SPOCK3: variants seen among roughly 807,000 people sequenced by gnomAD.
SPOCK3 encodes the protein testican-3.
In SPOCK3, 30 loss-of-function variants were observed where a neutral mutation model predicts 56.6. That is an observed-to-expected ratio of 0.53 (90% confidence interval 0.40 to 0.72). The LOEUF is 0.72. Among genes scored for constraint, SPOCK3 ranks in the 30% least tolerant of loss-of-function variants. The pLI is 0.00. For synonymous variants in SPOCK3, 196 were observed against 183.3 expected, an observed-to-expected ratio of 1.07 and a Z score of -0.56; for missense variants, 527 against 530.0, an observed-to-expected ratio of 0.99 and a Z score of 0.06.
intron 6 of SPOCK3, among the ~76,000 whole-genome samples, chr4:166,820,463 T>TA (rs1744810584): frequency 6.6e-6 from 1 of 152,026 alleles, no homozygotes; most frequent in South Asian, 2.1e-4. Context: ...TTTAGGGTCA[T>TA]ACAGCTGTTA....
intron 2 of SPOCK3, among the ~76,000 whole-genome samples, chr4:167,205,188 T>C (rs550528201): frequency 4.4e-4 from 47 of 105,630 alleles, no homozygotes; most frequent in African/African-American, 1.7e-3. Flanking sequence ...ATTATAGATA[T>C]TTTATATCTA....
At chr4:167,021,313 T>G (rs915942067) in intron 3 of SPOCK3, among the ~76,000 whole-genome samples, 1 of 151,986 alleles carries the variant, frequency 6.6e-6, no homozygotes, top group Non-Finnish European at 1.5e-5. Context: ...CTTCAGAAAT[T>G]TGGATGATTT....
At chr4:167,194,753 T>TGAGAA (rs997405085) in intron 2 of SPOCK3, among the ~76,000 whole-genome samples, 1 of 152,168 alleles carries the variant, frequency 6.6e-6, no homozygotes, top group African/African-American at 2.4e-5. Context: ...GTCTGTTCCC[T>TGAGAA]GAGAAGACTG....
At chr4:167,090,591 C>T (rs1758618352) in intron 2 of SPOCK3, among the ~76,000 whole-genome samples, 1 of 152,006 alleles carries the variant, frequency 6.6e-6, no homozygotes, top group Non-Finnish European at 1.5e-5. Flanking sequence ...ACAACCTCCG[C>T]CTCCCAGGTT....
intron 5 of SPOCK3, among the ~76,000 whole-genome samples, chr4:166,899,823 C>T (rs1234865166): frequency 1.3e-5 from 2 of 152,130 alleles, no homozygotes; most frequent in Non-Finnish European, 2.9e-5. Flanking sequence ...CCCCTGTTTA[C>T]TATATTTCTT....
At chr4:167,160,217 A>G (rs1765169298) in intron 2 of SPOCK3, among the ~76,000 whole-genome samples, 1 of 152,184 alleles carries the variant, frequency 6.6e-6, no homozygotes, top group African/African-American at 2.4e-5. Context: ...ATCAATGTAC[A>G]AAAATCACAA....
intron 7 of SPOCK3, among the ~76,000 whole-genome samples, chr4:166,774,201 TCTC>T (rs1289571992): frequency 6.6e-6 from 1 of 152,168 alleles, no homozygotes; most frequent in Non-Finnish European, 1.5e-5. Flanking sequence ...TACTTCTAAC[TCTC>T]CTCCTCCATC....
At position 166,734,481 on chromosome 4, in the gene SPOCK3, T is replaced by A. The variant is rs1316057347; in HGVS notation, c.*440A>T. On this transcript the variant is annotated 3_prime_UTR_variant, in exon 11 of 11. Transcript: ENST00000357545. ...GTCTAGCAAGATGCTACTTTGGAAA[T>A]GCAATTAAAGCATGCATATTTTTCC... is the stretch of plus-strand genomic sequence containing the variant. 1 of 153,078 alleles carries A rather than the reference T, an allele frequency of 6.5e-6. No homozygotes were observed. Among genetic ancestry groups the A allele is most frequent in the Non-Finnish European group, 1.5e-5 (1 of 68,760 alleles). The allele number at this position is 153,078 out of a possible 1,614,324, so 9.5% of individuals were successfully genotyped here.
intron 2 of SPOCK3, among the ~76,000 whole-genome samples, chr4:167,199,264 T>A (rs1733277057): frequency 6.6e-6 from 1 of 150,800 alleles, no homozygotes; most frequent in Non-Finnish European, 1.5e-5. Flanking sequence ...TGTGTGTGTA[T>A]TTAGTAGATG....
chr4:166,744,733 C>T (rs1015278774), intron 8 of SPOCK3, among the ~76,000 whole-genome samples: 1 of 152,022 alleles, frequency 6.6e-6, no homozygotes, highest in African/African-American at 2.4e-5. Context: ...CAGCTAAAAA[C>T]TTTGAAAAAA....
chr4:166,910,460 TGAG>T (rs1417174704), intron 5 of SPOCK3, among the ~76,000 whole-genome samples: 1 of 152,114 alleles, frequency 6.6e-6, no homozygotes, highest in Non-Finnish European at 1.5e-5. Context: ...AGGAGAACAA[TGAG>T]GAAACCCCAT....
chr4:166,933,417 T>TCTGGCTCTGGATGCC (rs1219552610), intron 4 of SPOCK3, among the ~76,000 whole-genome samples: 1 of 152,180 alleles, frequency 6.6e-6, no homozygotes, highest in Non-Finnish European at 1.5e-5. Context: ...AGCCATAATC[T>TCTGGCTCTGGATGCC]CAGCTCAAGT....
intron 6 of SPOCK3, among the ~76,000 whole-genome samples, chr4:166,793,941 A>G (rs1741621122): frequency 6.6e-6 from 1 of 152,060 alleles, no homozygotes; most frequent in Non-Finnish European, 1.5e-5. Flanking sequence ...TAAATCAACA[A>G]GAGGATGTCT....
At chr4:166,937,468 A>G (rs35634721) in intron 4 of SPOCK3, among the ~76,000 whole-genome samples, 22,094 of 148,326 alleles carry the variant, frequency 0.15, 2,141 homozygotes, top group African/African-American at 0.28. Context: ...TTTTCCATAC[A>G]TCTATGAGTT....
In SPOCK3 at chr4:167,125,586, C is replaced by T. The variant is rs373130142; in HGVS notation, c.190-63049G>A. 1.4e-3 allele frequency among the ~76,000 whole-genome samples: 197 copies of T among 143,388 alleles called. 3 individuals carry two copies. Among genetic ancestry groups the T allele is most frequent in the Middle Eastern group, 0.011 (3 of 266 alleles). 94.1% of individuals were successfully genotyped at this position (143,388 alleles called of 152,430 possible). A position where few individuals can be genotyped will look rare whatever the true frequency, so the allele number is the denominator to read the frequency against. On this transcript the variant is annotated intron_variant, in intron 2 of 10. Coordinates refer to ENST00000357545, the MANE Select transcript of SPOCK3 (RefSeq NM_001040159.2). Reference sequence around the variant, plus strand: ...AAAATTCGCCGGGCGTGTTGGCGGGCGCCTGTAGTCCCAAGCTACTCGGGA... The same window carrying T: ...AAAATTCGCCGGGCGTGTTGGCGGGTGCCTGTAGTCCCAAGCTACTCGGGA...
At chr4:166,977,861 G>A (rs1344121724) in intron 4 of SPOCK3, among the ~76,000 whole-genome samples, 1 of 152,134 alleles carries the variant, frequency 6.6e-6, no homozygotes, top group Non-Finnish European at 1.5e-5. Context: ...AATCAGTATA[G>A]CATTAGATCA....
At chr4:166,824,503 C>G (rs1745254621) in intron 6 of SPOCK3, among the ~76,000 whole-genome samples, 2 of 152,024 alleles carry the variant, frequency 1.3e-5, no homozygotes, top group South Asian at 4.1e-4. Context: ...GCATGTGATC[C>G]AGTTCTGGCC....
intron 2 of SPOCK3, among the ~76,000 whole-genome samples, chr4:167,183,796 C>T (rs900817414): frequency 1.3e-5 from 2 of 152,134 alleles, no homozygotes; most frequent in Admixed American, 1.3e-4. Context: ...ACTATGAGAA[C>T]AATGACAGCA....
chr4:167,098,437 G>T (rs1021167708), intron 2 of SPOCK3, among the ~76,000 whole-genome samples: 1 of 151,934 alleles, frequency 6.6e-6, no homozygotes, highest in Non-Finnish European at 1.5e-5. Flanking sequence ...TCTGCTGCAG[G>T]TAAGGAGATA....
Sources: allele counts gnomAD v4.1 joint callset (sites outside exome capture counted in the v4.1 genomes callset), GRCh38; gene constraint gnomAD v4.1.1; transcripts MANE v1.5; gene names NCBI Gene and HGNC (gene_info 2026-07-23, HGNC 2026-07-21).